SLC26A4: variants seen among roughly 807,000 people sequenced by gnomAD.
SLC26A4 encodes solute carrier family 26 member 4.
SLC26A4 carries 93 observed loss-of-function variants against 90.4 expected under a neutral mutation model. The ratio of observed to expected loss-of-function variants is 1.03; its 90% CI spans 0.87 to 1.22. The LOEUF (loss-of-function observed/expected upper bound fraction) is 1.22. SLC26A4 is among the 50% of genes most tolerant of loss of function. The pLI, the probability that SLC26A4 is intolerant of heterozygous loss-of-function variation, is 0.00. For synonymous variants in SLC26A4, 393 were observed against 354.6 expected, an observed-to-expected ratio of 1.11 and a Z score of -1.22; for missense variants, 1,127 against 946.2, an observed-to-expected ratio of 1.19 and a Z score of -2.51.
At position 107,674,938 on chromosome 7, in the gene SLC26A4, A is replaced by T. The variant is rs1454607623; in HGVS notation, c.601-7A>T. On this transcript the variant is annotated splice_polypyrimidine_tract_variant and splice_region_variant and intron_variant, in intron 5 of 20. Coordinates refer to ENST00000644269, the MANE Select transcript of SLC26A4 (RefSeq NM_000441.2). ...ATTTAATTTTTCTTTCCTTTTCCTT[A>T]TCGTAGTTGATATTTGGTGGCTTGC... 5 of 1,613,462 alleles carry T rather than the reference A, an allele frequency of 3.1e-6. No homozygotes were observed. Among genetic ancestry groups the T allele is most frequent in the Non-Finnish European group, 4.2e-6 (5 of 1,179,664 alleles).
At chr7:107,686,121 G>T (rs530790709) in intron 8 of SLC26A4, among the ~76,000 whole-genome samples, 1 of 147,584 alleles carries the variant, frequency 6.8e-6, no homozygotes, top group Admixed American at 6.7e-5. Flanking sequence ...GTGTGTGTGT[G>T]TGTATAAACC....
intron 18 of SLC26A4, among the ~76,000 whole-genome samples, chr7:107,707,929 G>T (rs954114355): frequency 6.6e-6 from 1 of 152,112 alleles, no homozygotes; most frequent in Admixed American, 6.6e-5. Context: ...ATCAAAATCG[G>T]ATCATAGGTC....
intron 2 of SLC26A4, 65 bp from the exon 3 acceptor site, chr7:107,663,231 T>G (rs1468548056): frequency 6.4e-7 from 1 of 1,558,962 alleles, no homozygotes; most frequent in East Asian, 2.2e-5. Context: ...TTCATAACTT[T>G]GTGATTTGCA....
chr7:107,712,514 T>G, intron 19 of SLC26A4, 25 bp from the exon 20 acceptor site: 1 of 1,235,810 alleles, frequency 8.1e-7, no homozygotes, highest in Non-Finnish European at 1.2e-6. Flanking sequence ...CTATTCTATT[T>G]CTACCCTGTG....
At chr7:107,674,077 C>A in intron 4 of SLC26A4, 87 bp from the exon 5 acceptor site, 3 of 1,339,366 alleles carry the variant, frequency 2.2e-6, no homozygotes, top group Non-Finnish European at 3.2e-6. Context: ...ACAGCTAAAT[C>A]TTTTATACAT....
intron 6 of SLC26A4, among the ~76,000 whole-genome samples, chr7:107,676,186 C>G (rs1159538970): frequency 6.6e-6 from 1 of 152,132 alleles, no homozygotes; most frequent in Non-Finnish European, 1.5e-5. Context: ...TCCTTCTCTG[C>G]AAAATTGGGT....
rs559780608 is a variant in SLC26A4, at chr7:107,683,061, C to A, written c.766-141C>A. ...ACACATTTTTATCATTTTACTGAAA[C>A]TTTTGAGTGTTGTTTGATGCTGATA... On this transcript the variant is annotated intron_variant, in intron 6 of 20. Coordinates refer to ENST00000644269, the MANE Select transcript of SLC26A4 (RefSeq NM_000441.2). 29 of 663,790 alleles carry A rather than the reference C, an allele frequency of 4.4e-5. No homozygotes were observed. The East Asian group carries it at 7.4e-4, about 17-fold the overall frequency. 41.1% of individuals were successfully genotyped at this position (663,790 alleles called of 1,614,324 possible).
Position 107,715,428 on chromosome 7 carries a change from G to T in SLC26A4, c.2325G>T (p.Met775Ile), listed in dbSNP as rs779766520. 1.9e-5 allele frequency: 30 copies of T among 1,613,398 alleles called. No homozygotes were observed. The highest frequency in any genetic ancestry group is 1.6e-4 in the Middle Eastern group (1 of 6,082). ...EEELDVQDEAMRTLAS is the reference protein window; with the variant it reads ...EEELDVQDEAIRTLAS Reference sequence around the variant, plus strand: ...TTTTCCCCTTGCTTCCACAGGCTATGCGTACACTTGCATCCTGAAAGTGGG... The same window carrying T: ...TTTTCCCCTTGCTTCCACAGGCTATTCGTACACTTGCATCCTGAAAGTGGG... Residue 775 changes from methionine to isoleucine, a missense_variant, in exon 21 of 21, where the codon ATG becomes ATT. Met to Ile is a conservative substitution (Grantham distance 10). Coordinates refer to ENST00000644269, the MANE Select transcript of SLC26A4 (RefSeq NM_000441.2).
chr7:107,686,822 A>G (rs1791436198), intron 8 of SLC26A4, among the ~76,000 whole-genome samples: 1 of 152,194 alleles, frequency 6.6e-6, no homozygotes, highest in African/African-American at 2.4e-5. Context: ...GGCCCGCAGA[A>G]CATGCCCTGT....
intron 8 of SLC26A4, 32 bp from the exon 9 acceptor site, chr7:107,689,021 T>C (rs369017473): frequency 7.4e-6 from 12 of 1,612,872 alleles, no homozygotes; most frequent in African/African-American, 2.7e-5. Flanking sequence ...TGGTCAAATC[T>C]TCACAGCATT....
chr7:107,708,236 A>G (rs1792081030), intron 18 of SLC26A4, among the ~76,000 whole-genome samples: 3 of 152,310 alleles, frequency 2.0e-5, no homozygotes, highest in Admixed American at 1.3e-4. Context: ...ATTTTTCATG[A>G]TATTTATCTT....
At chr7:107,665,406 G>T (rs1037102605) in intron 3 of SLC26A4, among the ~76,000 whole-genome samples, 2 of 152,004 alleles carry the variant, frequency 1.3e-5, no homozygotes, top group African/African-American at 2.4e-5. Flanking sequence ...TGGGCTGTGT[G>T]GTTCCTAAGT....
chr7:107,694,215 G>A (rs1471867986), intron 10 of SLC26A4, among the ~76,000 whole-genome samples, 188 bp from the exon 11 acceptor site: 1 of 152,138 alleles, frequency 6.6e-6, no homozygotes, highest in Non-Finnish European at 1.5e-5. Flanking sequence ...ATATATAGAT[G>A]CCATTTTTGT....
intron 3 of SLC26A4, among the ~76,000 whole-genome samples, chr7:107,668,389 G>A (rs971778621): frequency 3.9e-5 from 6 of 152,182 alleles, no homozygotes; most frequent in African/African-American, 7.2e-5. Context: ...TAAGGATTCT[G>A]CAGTAGATGA....
intron 12 of SLC26A4, 112 bp downstream of exon 12, chr7:107,694,828 T>G (rs1791693075): frequency 1.3e-6 from 1 of 771,572 alleles, no homozygotes; most frequent in African/African-American, 1.7e-5. Context: ...CTTTGGGAAC[T>G]CCAGAGGAGA....
intron 20 of SLC26A4, among the ~76,000 whole-genome samples, chr7:107,713,710 T>C (rs1049402466): frequency 6.6e-6 from 1 of 152,298 alleles, no homozygotes; most frequent in Admixed American, 6.5e-5. Context: ...CCTTTCATAA[T>C]AGCAACATCA....
chr7:107,667,997 T>C (rs990310569), intron 3 of SLC26A4, among the ~76,000 whole-genome samples: 2 of 152,088 alleles, frequency 1.3e-5, no homozygotes, highest in Non-Finnish European at 2.9e-5. Flanking sequence ...TTTGAATAGT[T>C]GTCTCAAGGA....
At position 107,716,141 on chromosome 7, in the gene SLC26A4, T is replaced by C. The variant is rs1245284676; in HGVS notation, c.*695T>C. The C allele has an allele frequency of 6.6e-6, 1 of 152,264 alleles. No individual in the cohort carries two copies. Among genetic ancestry groups the C allele is most frequent in the East Asian group, 1.9e-4 (1 of 5,202 alleles). 9.4% of individuals were successfully genotyped at this position (152,264 alleles called of 1,614,324 possible). On this transcript the variant is annotated 3_prime_UTR_variant, in exon 21 of 21. Coordinates refer to ENST00000644269, the MANE Select transcript of SLC26A4 (RefSeq NM_000441.2). Reference sequence around the variant, plus strand: ...GATTTTCATGGTTTATAAAAATCTTTTTTGATATGATAATAATCATGATCA... The same window carrying C: ...GATTTTCATGGTTTATAAAAATCTTCTTTGATATGATAATAATCATGATCA...
intron 3 of SLC26A4, among the ~76,000 whole-genome samples, chr7:107,663,895 G>C (rs1790642525): frequency 1.3e-5 from 2 of 152,178 alleles, no homozygotes; most frequent in African/African-American, 4.8e-5. Context: ...GGGTTAGCCA[G>C]GATGGTATCG....
Sources: allele counts gnomAD v4.1 joint callset (sites outside exome capture counted in the v4.1 genomes callset), GRCh38; gene constraint gnomAD v4.1.1; transcripts MANE v1.5; gene names NCBI Gene and HGNC (gene_info 2026-07-23, HGNC 2026-07-21).